The following ZNF749 variants were observed in gnomAD, a reference collection of about 807,000 sequenced individuals.
ZNF749 encodes zinc finger protein 749.
ZNF749 carries 8 observed loss-of-function variants against 7.3 expected under a neutral mutation model. The observed-to-expected ratio is 1.10, with a 90% CI of 0.64 to 1.98. ZNF749 has a LOEUF of 1.98. ZNF749 is among the 30% of genes most tolerant of loss of function. The pLI is 0.00. For synonymous variants in ZNF749, 310 were observed against 322.4 expected, an observed-to-expected ratio of 0.96 and a Z score of 0.41; for missense variants, 898 against 932.4, an observed-to-expected ratio of 0.96 and a Z score of 0.48.
rs755194634 is a variant in ZNF749, at chr19:57,444,662, A to G, written c.1514A>G (p.His505Arg). Residue 505 changes from histidine (H) to arginine (R), a missense_variant, in exon 3 of 3, where the codon CAT becomes CGT. Transcript: ENST00000334181. ...QAHLVGHQKI[H>R]TGERPYECTQ... ...CATCTGGTTGGTCACCAGAAAATCC[A>G]TACTGGAGAACGGCCTTATGAATGC... The G allele has an allele frequency of 3.1e-6, 5 of 1,613,562 alleles. No homozygotes were observed. The highest frequency in any genetic ancestry group is 3.4e-6 in the Non-Finnish European group (4 of 1,179,930).
chr19:57,434,316 C>G (rs112774271), upstream of ZNF749, among the ~76,000 whole-genome samples: 790 of 152,238 alleles, frequency 5.2e-3, 7 homozygotes, highest in African/African-American at 0.018. Context: ...AGGCTGGTCT[C>G]GAACTCCCAA....
chr19:57,443,832 A>G lies in ZNF749; in HGVS notation c.684A>G (p.Glu228=), dbSNP rs145940576. 8.9e-5 allele frequency: 144 copies of G among 1,614,198 alleles called. No individual in the cohort carries two copies. In the African/African-American group the frequency reaches 1.7e-3, roughly 19 times the overall value. Residue 228 remains glutamate (E), a synonymous_variant, in exon 3 of 3, where the codon GAA becomes GAG. Transcript: ENST00000334181. ...GGGAGAGGCCTTATGAGTTCAGTGA[A>G]TGTGGGGAATTGTTTAGGTACAACT... ...HNGERPYEFS[E]CGELFRYNSN... is the part of the protein sequence containing the mutation.
In ZNF749 at chr19:57,446,260, T is replaced by C. The variant is rs1359480977; in HGVS notation, c.*775T>C. Among the ~76,000 whole-genome samples, 1 of 152,052 alleles carries C rather than the reference T, an allele frequency of 6.6e-6. No homozygotes were observed. Among genetic ancestry groups the C allele is most frequent in the African/African-American group, 2.4e-5 (1 of 41,394 alleles). ...GAACTGTGCCTGTGAGGGATCTAGG[T>C]TGTGTGCTCCTTATGAGAATCTAAC... On this transcript the variant is annotated 3_prime_UTR_variant, in exon 3 of 3. Coordinates refer to ENST00000334181, the MANE Select transcript of ZNF749 (RefSeq NM_001023561.4).
rs772782870 is a variant in ZNF749 at position 57,439,649 on chromosome 19, C to T, written c.16-2236C>T. 5.9e-5 allele frequency among the ~76,000 whole-genome samples: 9 copies of T among 151,906 alleles called. No homozygotes were observed. Among genetic ancestry groups the T allele is most frequent in the Non-Finnish European group, 1.2e-4 (8 of 67,972 alleles). On this transcript the variant is annotated intron_variant, in intron 1 of 2. Coordinates refer to ENST00000334181, the MANE Select transcript of ZNF749 (RefSeq NM_001023561.4). The surrounding 1 kb of genome is among the most constrained non-coding windows in gnomAD (Gnocchi z 4.3). ...GCGTCTCTCTGTGGTCTCAGCTAAT[C>T]GGCGTGCTGAGGCAGGAGGGTCACC... is the stretch of plus-strand genomic sequence containing the variant.
At chr19:57,431,056 A>AG (rs1019068696), upstream of ZNF749, among the ~76,000 whole-genome samples, 2 of 151,706 alleles carry the variant, frequency 1.3e-5, no homozygotes, top group African/African-American at 4.8e-5. Flanking sequence ...AAAAAAAAAA[A>AG]AGAGAAAGAT....
In ZNF749 at chr19:57,441,503, A is replaced by G. The variant is rs982145069; in HGVS notation, c.16-382A>G. On this transcript the variant is annotated intron_variant, in intron 1 of 2. Coordinates refer to ENST00000334181, the MANE Select transcript of ZNF749 (RefSeq NM_001023561.4). ...CGTGCTGCACCAGGCCACGGGAAAT[A>G]CTAGATTTGGTTAGGAGGCAGAGGC... Among the ~76,000 whole-genome samples the G allele has an allele frequency of 4.6e-5, 7 of 152,274 alleles. 1 individual carries two copies. Among genetic ancestry groups the G allele is most frequent in the Admixed American group, 4.6e-4 (7 of 15,280 alleles).
At chr19:57,431,038 C>CAA (rs34687490), upstream of ZNF749, among the ~76,000 whole-genome samples, 1,233 of 93,382 alleles carry the variant, frequency 0.013, 26 homozygotes, top group African/African-American at 0.017. Flanking sequence ...GACTCTGTCT[C>CAA]AAAAAAAAAA....
In ZNF749 at chr19:57,444,998, GT is replaced by G. The variant is rs747858058; in HGVS notation, c.1851del (p.Cys617TrpfsTer11). The stretch of plus-strand genomic sequence containing the variant: ...GAAAAGCCTTATAAATGCAGCAAAT[GT>G]GGGAAATTCTTTAGATATCGCTGTA... Reference protein sequence around the residue: ...TGEKPYKCSKCGKFFRYRCTL... With the variant: ...TGEKPYKCSKXGKFFRYRCTL... On this transcript the variant is annotated frameshift_variant, in exon 3 of 3. Transcript: ENST00000334181. LOFTEE classifies it low-confidence loss of function (END_TRUNC). The G allele has an allele frequency of 6.2e-7, 1 of 1,614,186 alleles. No homozygotes were observed. Among genetic ancestry groups the G allele is most frequent in the East Asian group, 2.2e-5 (1 of 44,874 alleles).
the ZNF749 span, chr19:57,428,649 A>G: frequency 6.6e-6 from 1 of 151,868 alleles, no homozygotes; most frequent in African/African-American, 2.4e-5. Flanking sequence ...AAAGTATAGC[A>G]CCTGTTATCT....
In ZNF749 at chr19:57,441,911, C is replaced by A. The variant is rs2123101423; in HGVS notation, c.42C>A (p.Ala14=). Residue 14 remains alanine (A), a synonymous_variant, in exon 2 of 3, where the codon GCC becomes GCA. Transcript: ENST00000334181. ...ATTGTATGGTCTTTGAGGATGTGGC[C>A]ATATATTTCTCCCAAGAGGAATGGG... ...TEDCMVFEDV[A]IYFSQEEWGI... is the part of the protein sequence containing the mutation. 6.2e-7 allele frequency: 1 copy of A among 1,614,070 alleles called. No individual in the cohort carries two copies. Among genetic ancestry groups the A allele is most frequent in the South Asian group, 1.1e-5 (1 of 91,066 alleles).
chr19:57,431,212 T>C (rs563948958), upstream of ZNF749, among the ~76,000 whole-genome samples: 6 of 152,316 alleles, frequency 3.9e-5, no homozygotes, highest in African/African-American at 1.4e-4. Context: ...ATTCAGAACC[T>C]TGGAGATTGT....
In ZNF749 at chr19:57,435,404, T is replaced by C; in HGVS notation, c.-175T>C. On this transcript the variant is annotated 5_prime_UTR_variant, in exon 1 of 3. Transcript: ENST00000334181. ...ACTGATTTAGAGGGTCCCAGAGCTC[T>C]GGGTCGGGACTGAGGTGAAAGAGCG... 2 of 921,020 alleles carry C rather than the reference T, an allele frequency of 2.2e-6. No homozygotes were observed. Among genetic ancestry groups the C allele is most frequent in the South Asian group, 1.5e-5 (1 of 66,324 alleles). 57.1% of individuals were successfully genotyped at this position (921,020 alleles called of 1,614,324 possible). A position where few individuals can be genotyped will look rare whatever the true frequency, so the allele number is the denominator to read the frequency against.
chr19:57,432,561 TAAAAAAAAAAA>T (rs750185614), upstream of ZNF749, among the ~76,000 whole-genome samples: 1 of 74,234 alleles, frequency 1.3e-5, no homozygotes, highest in Non-Finnish European at 2.6e-5. Context: ...GACTCTGTCT[TAAAAAAAAAAA>T]AAAAAAAAAA....
chr19:57,439,818 G>A lies in ZNF749; in HGVS notation c.16-2067G>A, dbSNP rs2088970081. Among the ~76,000 whole-genome samples, 1 of 152,196 alleles carries A rather than the reference G, an allele frequency of 6.6e-6. No homozygotes were observed. The highest frequency in any genetic ancestry group is 1.5e-5 in the Non-Finnish European group (1 of 68,034). On this transcript the variant is annotated intron_variant, in intron 1 of 2. Transcript: ENST00000334181. The surrounding 1 kb of genome is among the most constrained non-coding windows in gnomAD (Gnocchi z 4.3). ...AAAAAATGTTTCAGAGACTTTGAGT[G>A]GAGGTGCCAGGCTGGCAGTTGTACA...
At position 57,435,356 on chromosome 19, in the gene ZNF749, C is replaced by T. The variant is rs749304782; in HGVS notation, c.-223C>T. ...GGCGGCGCCCTCATGGTTGCGTTAG[C>T]ATGGCTACCTAGGGATCTGTTCACT... On this transcript the variant is annotated 5_prime_UTR_variant, in exon 1 of 3. Transcript: ENST00000334181. The T allele has an allele frequency of 4.6e-6, 3 of 651,056 alleles. No homozygotes were observed. The highest frequency in any genetic ancestry group is 7.9e-6 in the Non-Finnish European group (3 of 380,994). 40.3% of individuals were successfully genotyped at this position (651,056 alleles called of 1,614,324 possible).
At chr19:57,432,591 G>A (rs1373197670), upstream of ZNF749, among the ~76,000 whole-genome samples, 1 of 146,818 alleles carries the variant, frequency 6.8e-6, no homozygotes, top group Non-Finnish European at 1.5e-5. Flanking sequence ...AAAAGGTGGG[G>A]GGGACTAAAC....
At chr19:57,438,216 C>T (rs2088954305) in intron 1 of ZNF749, 1 of 397,236 alleles carries the variant, frequency 2.5e-6, no homozygotes, top group Non-Finnish European at 4.4e-6. Context: ...CTGCGTCTGC[C>T]ACCCAGAAGG....
At chr19:57,441,581 A>G (rs1299297630) in intron 1 of ZNF749, among the ~76,000 whole-genome samples, 2 of 152,064 alleles carry the variant, frequency 1.3e-5, no homozygotes, top group African/African-American at 4.8e-5. Context: ...TTGGCAGGAA[A>G]GGCATGCAGG....
chr19:57,443,096 C>T (rs967828566), intron 2 of ZNF749, among the ~76,000 whole-genome samples, 195 bp from the exon 3 acceptor site: 6 of 152,170 alleles, frequency 3.9e-5, no homozygotes, highest in Non-Finnish European at 5.9e-5. Flanking sequence ...GTGTCCTTAC[C>T]ACCAGGATTC....
Sources: allele counts gnomAD v4.1 joint callset (sites outside exome capture counted in the v4.1 genomes callset), GRCh38; gene constraint gnomAD v4.1.1; non-coding constraint Gnocchi (gnomAD v3.1); transcripts MANE v1.5; gene names NCBI Gene and HGNC (gene_info 2026-07-23, HGNC 2026-07-21).